PTPRD: variants seen among roughly 807,000 people sequenced by gnomAD.
PTPRD encodes receptor-type tyrosine-protein phosphatase delta.
A neutral mutation model predicts 214.5 loss-of-function variants in PTPRD; 34 were observed. The ratio of observed to expected loss-of-function variants is 0.16; its 90% CI spans 0.12 to 0.21. PTPRD has a LOEUF of 0.21. PTPRD is among the 10% of genes least tolerant of loss of function. The pLI, the probability that PTPRD is intolerant of heterozygous loss-of-function variation, is 1.00. For synonymous variants in PTPRD, 1,128 were observed against 845.7 expected (o/e 1.33, Z -5.79); for missense variants, 2,545 against 2,398.7 (o/e 1.06, Z -1.27).
At chr9:8,630,096 T>C (rs916092855) in intron 14 of PTPRD, among the ~76,000 whole-genome samples, 4 of 151,806 alleles carry the variant, frequency 2.6e-5, no homozygotes, top group East Asian at 3.9e-4. Flanking sequence ...ATGATCTTCA[T>C]CCAGTTCACT....
chr9:9,675,546 T>C (rs1594917291), intron 7 of PTPRD, among the ~76,000 whole-genome samples: 3 of 152,002 alleles, frequency 2.0e-5, no homozygotes, highest in Middle Eastern at 3.4e-3. Context: ...ACTGCATTTT[T>C]ATAGGACAGT....
chr9:9,095,021 T>A (rs1318128809), intron 10 of PTPRD, among the ~76,000 whole-genome samples: 1 of 152,138 alleles, frequency 6.6e-6, no homozygotes, highest in African/African-American at 2.4e-5. Context: ...GCCCAACATT[T>A]GAAAAATCAA....
chr9:10,117,511 C>A (rs1001511402), intron 3 of PTPRD, among the ~76,000 whole-genome samples: 1 of 152,024 alleles, frequency 6.6e-6, no homozygotes, highest in Non-Finnish European at 1.5e-5. Flanking sequence ...GGGGAGAATA[C>A]GTCCTTGCTT....
At chr9:8,605,353 C>A (rs1290581911) in intron 14 of PTPRD, among the ~76,000 whole-genome samples, 8 of 152,120 alleles carry the variant, frequency 5.3e-5, no homozygotes, top group African/African-American at 1.7e-4. Context: ...CATAGTTTTG[C>A]CTGCTCTTTG....
At chr9:10,487,591 T>C (rs942302591) in intron 2 of PTPRD, among the ~76,000 whole-genome samples, 5 of 151,782 alleles carry the variant, frequency 3.3e-5, no homozygotes, top group Middle Eastern at 3.2e-3. Flanking sequence ...CAAACGAATA[T>C]AGACACAGGA....
At chr9:10,118,996 T>C (rs1433289137) in intron 3 of PTPRD, among the ~76,000 whole-genome samples, 2 of 151,784 alleles carry the variant, frequency 1.3e-5, no homozygotes, top group Non-Finnish European at 2.9e-5. Flanking sequence ...ATAATGGTCA[T>C]TTAGAAAATA....
chr9:8,741,566 C>CTTTT lies in PTPRD; in HGVS notation c.-103-7624_-103-7621dup, dbSNP rs66547770. Among the ~76,000 whole-genome samples the CTTTT allele has an allele frequency of 3.6e-3, 252 of 70,620 alleles. 14 individuals carry two copies. The highest frequency in any genetic ancestry group is 3.9e-3 in the East Asian group (8 of 2,062). 46.3% of individuals were successfully genotyped at this position (70,620 alleles called of 152,430 possible). A position where few individuals can be genotyped will look rare whatever the true frequency, so the allele number is the denominator to read the frequency against. ...TCTATTATTTTAATCTCAGGCATTT[C>CTTTT]TTTTTTTTTTTTTTTTTTTTTTTTT... On this transcript the variant is annotated intron_variant, in intron 11 of 45. Transcript: ENST00000381196.
At chr9:8,947,549 G>A (rs574799475) in intron 11 of PTPRD, among the ~76,000 whole-genome samples, 2 of 151,774 alleles carry the variant, frequency 1.3e-5, no homozygotes, top group South Asian at 4.2e-4. Context: ...AAAGTAACCA[G>A]TAGTAGTGAT....
At chr9:10,203,866 T>C (rs576542297) in intron 3 of PTPRD, among the ~76,000 whole-genome samples, 14 of 152,292 alleles carry the variant, frequency 9.2e-5, no homozygotes, top group Admixed American at 2.0e-4. Flanking sequence ...ATGATTTTCC[T>C]AACCTATAAA....
At chr9:9,940,332 G>C (rs565776584) in intron 4 of PTPRD, among the ~76,000 whole-genome samples, 135 of 152,136 alleles carry the variant, frequency 8.9e-4, no homozygotes, top group African/African-American at 3.2e-3. Context: ...ACTACCTATG[G>C]GACAAACCTC....
At chr9:10,249,747 G>C (rs1242033840) in intron 3 of PTPRD, among the ~76,000 whole-genome samples, 1 of 152,018 alleles carries the variant, frequency 6.6e-6, no homozygotes, top group Non-Finnish European at 1.5e-5. Context: ...CATAAATGCA[G>C]TTGTCTTGCA....
At chr9:10,540,299 A>G (rs1281026099) in intron 2 of PTPRD, among the ~76,000 whole-genome samples, 2 of 152,166 alleles carry the variant, frequency 1.3e-5, no homozygotes, top group Non-Finnish European at 2.9e-5. Context: ...GAGTGCTGGG[A>G]TTGCAGGCAT....
chr9:8,470,558 G>C (rs2096632598), intron 31 of PTPRD, among the ~76,000 whole-genome samples: 1 of 152,080 alleles, frequency 6.6e-6, no homozygotes, highest in Non-Finnish European at 1.5e-5. Flanking sequence ...TGAGAAACTG[G>C]TTAAGACCAT....
intron 3 of PTPRD, among the ~76,000 whole-genome samples, chr9:10,047,033 T>C (rs2097412778): frequency 6.6e-6 from 1 of 151,976 alleles, no homozygotes; most frequent in Non-Finnish European, 1.5e-5. Flanking sequence ...CATGAGTGTT[T>C]TACTACATAA....
At chr9:9,716,812 T>C (rs7031726) in intron 7 of PTPRD, among the ~76,000 whole-genome samples, 51,232 of 150,314 alleles carry the variant, frequency 0.34, 8,939 homozygotes, top group Admixed American at 0.46. Flanking sequence ...CCTGTTCACT[T>C]TGATGGTAGT....
At position 9,467,526 on chromosome 9, in the gene PTPRD, G is replaced by A. The variant is rs148834814; in HGVS notation, c.-236-70044C>T. ...TGCTTGAACCCAGGAAGCGGAGGCT[G>A]CAGTGAGCCGAGATTGTGCCACTGC... On this transcript the variant is annotated intron_variant, in intron 8 of 45. Coordinates refer to ENST00000381196, the MANE Select transcript of PTPRD (RefSeq NM_002839.4). Among the ~76,000 whole-genome samples the A allele has an allele frequency of 4.4e-3, 609 of 136,942 alleles. 1 individual carries two copies. The highest frequency in any genetic ancestry group is 0.014 in the African/African-American group (544 of 37,724). 89.8% of individuals were successfully genotyped at this position (136,942 alleles called of 152,430 possible). A position where few individuals can be genotyped will look rare whatever the true frequency, so the allele number is the denominator to read the frequency against.
intron 11 of PTPRD, among the ~76,000 whole-genome samples, chr9:8,760,961 A>G (rs533119610): frequency 1.6e-4 from 24 of 152,224 alleles, no homozygotes; most frequent in Non-Finnish European, 2.1e-4. Flanking sequence ...TTTTTAAAAT[A>G]TATGATTTCA....
chr9:9,380,745 C>T (rs1230804268), intron 9 of PTPRD, among the ~76,000 whole-genome samples: 1 of 152,090 alleles, frequency 6.6e-6, no homozygotes, highest in Non-Finnish European at 1.5e-5. Context: ...CGTTTTTCTA[C>T]CTGACGTGTC....
intron 9 of PTPRD, among the ~76,000 whole-genome samples, chr9:9,187,946 A>C (rs2099932669): frequency 1.3e-5 from 2 of 152,012 alleles, no homozygotes. Flanking sequence ...TATATAATGC[A>C]CTTATAGAAA....
Sources: allele counts gnomAD v4.1 joint callset (sites outside exome capture counted in the v4.1 genomes callset), GRCh38; gene constraint gnomAD v4.1.1; transcripts MANE v1.5; gene names NCBI Gene and HGNC (gene_info 2026-07-23, HGNC 2026-07-21).